Variants in TENM2 observed in about 807,000 individuals in gnomAD.
The protein encoded by TENM2 is teneurin transmembrane protein 2.
In TENM2, 52 loss-of-function variants were observed where a neutral mutation model predicts 245.2. The observed-to-expected ratio is 0.21, with a 90% CI of 0.17 to 0.27. TENM2 has a LOEUF of 0.27. Among genes scored for constraint, TENM2 ranks in the 10% least tolerant of loss-of-function variants. TENM2 has a pLI of 1.00. For synonymous variants in TENM2, 1,363 were observed against 1,438.9 expected (o/e 0.95, Z 1.19); for missense variants, 3,046 against 3,666.8 (o/e 0.83, Z 4.37).
the TENM2 span, among the ~76,000 whole-genome samples, chr5:166,994,246 C>T: frequency 1.3e-5 from 2 of 152,172 alleles, no homozygotes; most frequent in East Asian, 3.9e-4. Context: ...CTTTTTGTCA[C>T]GCATGCCAAT....
the TENM2 span, among the ~76,000 whole-genome samples, chr5:167,191,087 A>G: frequency 6.6e-6 from 1 of 152,012 alleles, no homozygotes; most frequent in Non-Finnish European, 1.5e-5. Flanking sequence ...GGAAAAAAGA[A>G]ACTTTGATAT....
At chr5:167,276,236 A>C in the TENM2 span, among the ~76,000 whole-genome samples, 5 of 151,924 alleles carry the variant, frequency 3.3e-5, no homozygotes, top group South Asian at 2.1e-4. Flanking sequence ...GCTTCATAAA[A>C]TAATTGGAAA....
chr5:167,190,723 T>C, the TENM2 span, among the ~76,000 whole-genome samples: 1 of 152,122 alleles, frequency 6.6e-6, no homozygotes, highest in Admixed American at 6.6e-5. Flanking sequence ...CTCCTTTCTA[T>C]GCTTTTCTTT....
chr5:168,080,569 G>T (rs1174990005), intron 7 of TENM2, among the ~76,000 whole-genome samples: 1 of 152,090 alleles, frequency 6.6e-6, no homozygotes, highest in Non-Finnish European at 1.5e-5. Context: ...TGGGCATTTA[G>T]TGCTATAAAT....
chr5:168,260,928 T>C (rs777437023), intron 28 of TENM2, among the ~76,000 whole-genome samples: 6 of 152,180 alleles, frequency 3.9e-5, no homozygotes, highest in Non-Finnish European at 8.8e-5. Context: ...TCCATCTGGG[T>C]GCAGCTGAGA....
chr5:166,987,976 T>C, the TENM2 span, among the ~76,000 whole-genome samples: 1 of 152,168 alleles, frequency 6.6e-6, no homozygotes, highest in African/African-American at 2.4e-5. Flanking sequence ...TTTCCAAAAC[T>C]TATTCACACT....
chr5:167,341,934 A>G (rs1758124896), intron 1 of TENM2, among the ~76,000 whole-genome samples: 1 of 152,128 alleles, frequency 6.6e-6, no homozygotes. Context: ...TTACATTTTG[A>G]TCAAATTTTT....
At chr5:167,282,000 C>CA (rs150534598), upstream of TENM2, among the ~76,000 whole-genome samples, 231 of 107,402 alleles carry the variant, frequency 2.2e-3, 4 homozygotes, top group South Asian at 0.037. Context: ...AACTCCATCT[C>CA]AAAAAAAAAA....
At chr5:167,056,421 T>C in the TENM2 span, among the ~76,000 whole-genome samples, 1 of 148,752 alleles carries the variant, frequency 6.7e-6, no homozygotes, top group East Asian at 1.9e-4. Flanking sequence ...GGGGCAAAGT[T>C]GGATGTAAAT....
Position 167,775,527 on chromosome 5 carries a change from C to A in TENM2, c.503-100459C>A, listed in dbSNP as rs541882349. Among the ~76,000 whole-genome samples the A allele has an allele frequency of 3.3e-3, 509 of 152,208 alleles. 3 individuals carry two copies. The highest frequency in any genetic ancestry group is 0.02 in the Middle Eastern group (6 of 294). ...CTTATTCTGCCTTCTGTGACAAACA[C>A]CAGTTATAATTTTTAATTGACTTTA... On this transcript the variant is annotated intron_variant, in intron 2 of 28. Transcript: ENST00000518659.
At chr5:167,106,733 G>C in the TENM2 span, among the ~76,000 whole-genome samples, 3 of 151,866 alleles carry the variant, frequency 2.0e-5, no homozygotes, top group Admixed American at 6.6e-5. Context: ...GAAAGCCTGA[G>C]CTGGGCTGTG....
intron 1 of TENM2, among the ~76,000 whole-genome samples, chr5:167,306,112 G>A (rs1193799000): frequency 6.6e-6 from 1 of 152,194 alleles, no homozygotes; most frequent in Admixed American, 6.5e-5. Flanking sequence ...GTGTTGGTGG[G>A]TCTGACAGAA....
At chr5:167,548,550 G>GACACACAC (rs10626330) in intron 2 of TENM2, among the ~76,000 whole-genome samples, 1 of 150,948 alleles carries the variant, frequency 6.6e-6, no homozygotes, top group Non-Finnish European at 1.5e-5. Flanking sequence ...ACAGGTCACA[G>GACACACAC]ACACACACAC....
chr5:166,995,087 T>G, the TENM2 span, among the ~76,000 whole-genome samples: 6 of 151,910 alleles, frequency 3.9e-5, no homozygotes, highest in African/African-American at 1.2e-4. Context: ...TCAGAGAGGT[T>G]GCTATATTTC....
intron 2 of TENM2, among the ~76,000 whole-genome samples, chr5:167,797,832 T>C (rs921601865): frequency 6.6e-6 from 1 of 152,200 alleles, no homozygotes; most frequent in Non-Finnish European, 1.5e-5. Context: ...AGAAAACTTG[T>C]TGCTGACTGA....
the TENM2 span, among the ~76,000 whole-genome samples, chr5:167,275,865 T>C: frequency 6.6e-6 from 1 of 152,060 alleles, no homozygotes; most frequent in African/African-American, 2.4e-5. Flanking sequence ...TTTCTTGTGT[T>C]GTTGCACCAT....
intron 25 of TENM2, among the ~76,000 whole-genome samples, chr5:168,232,112 A>C (rs957323831): frequency 4.6e-5 from 7 of 152,210 alleles, no homozygotes; most frequent in African/African-American, 1.7e-4. Flanking sequence ...GGTATGGAGG[A>C]AGACAGATGA....
chr5:167,658,552 C>T (rs1188433738), intron 2 of TENM2, among the ~76,000 whole-genome samples: 7 of 152,064 alleles, frequency 4.6e-5, no homozygotes, highest in Non-Finnish European at 1.0e-4. Context: ...CTAAAGGCCC[C>T]CACCTCTTAA....
intron 9 of TENM2, among the ~76,000 whole-genome samples, chr5:168,115,348 G>GA (rs761024198): frequency 5.2e-5 from 6 of 116,014 alleles, no homozygotes; most frequent in South Asian, 3.2e-4. Context: ...GGAAGGAAAG[G>GA]AGGGAAGGAA....
Sources: allele counts gnomAD v4.1 joint callset (sites outside exome capture counted in the v4.1 genomes callset), GRCh38; gene constraint gnomAD v4.1.1; transcripts MANE v1.5; gene names NCBI Gene and HGNC (gene_info 2026-07-23, HGNC 2026-07-21).